ZNF385D: variants seen among roughly 807,000 people sequenced by gnomAD.
ZNF385D encodes the protein zinc finger protein 385D, also known as zinc finger protein 659.
A neutral mutation model predicts 35.8 loss-of-function variants in ZNF385D; 15 were observed. The observed-to-expected ratio is 0.42, with a 90% CI of 0.28 to 0.64. The LOEUF is 0.64. Ranked by LOEUF, ZNF385D falls within the 30% of genes least tolerant of loss-of-function variation. ZNF385D has a pLI of 0.23. For synonymous variants in ZNF385D, 212 were observed against 186.8 expected (o/e 1.13, Z -1.10); for missense variants, 474 against 494.6 (o/e 0.96, Z 0.39).
At chr3:21,831,206 T>C (rs1162575891) in intron 3 of ZNF385D, among the ~76,000 whole-genome samples, 1 of 152,174 alleles carries the variant, frequency 6.6e-6, no homozygotes, top group African/African-American at 2.4e-5. Context: ...GAACGTCCTT[T>C]TTCTTATATT....
chr3:21,958,582 C>G (rs1702410889), intron 3 of ZNF385D, among the ~76,000 whole-genome samples: 1 of 151,946 alleles, frequency 6.6e-6, no homozygotes, highest in African/African-American at 2.4e-5. Context: ...AAGATAAAAC[C>G]ATTGTTCCAA....
At chr3:21,905,513 C>G (rs560691804) in intron 3 of ZNF385D, among the ~76,000 whole-genome samples, 8 of 147,240 alleles carry the variant, frequency 5.4e-5, no homozygotes, top group Non-Finnish European at 1.0e-4. Context: ...TGGGTTTGAC[C>G]CAAGAAGCTA....
chr3:21,788,689 G>A (rs376344421), intron 3 of ZNF385D, among the ~76,000 whole-genome samples: 1 of 152,162 alleles, frequency 6.6e-6, no homozygotes, highest in Non-Finnish European at 1.5e-5. Flanking sequence ...GGGGGCATAT[G>A]TGCATTTTTA....
chr3:21,883,133 A>T (rs1197160708), intron 3 of ZNF385D, among the ~76,000 whole-genome samples: 1 of 152,074 alleles, frequency 6.6e-6, no homozygotes, highest in East Asian at 1.9e-4. Flanking sequence ...TTGTATGCAG[A>T]TAAGACTATT....
At chr3:22,166,096 A>T in intron 3 of ZNF385D, among the ~76,000 whole-genome samples, 1 of 126,976 alleles carries the variant, frequency 7.9e-6, no homozygotes, top group Non-Finnish European at 1.9e-5. Flanking sequence ...CATGTCCACC[A>T]TCCTCTGAAG....
intron 2 of ZNF385D, among the ~76,000 whole-genome samples, chr3:22,199,521 C>G (rs539094744): frequency 1.3e-5 from 2 of 152,134 alleles, no homozygotes; most frequent in South Asian, 4.1e-4. Context: ...ATTTGGCTTT[C>G]TGACTTCAAG....
intron 2 of ZNF385D, among the ~76,000 whole-genome samples, chr3:21,582,612 A>G (rs551856731): frequency 6.6e-6 from 1 of 151,696 alleles, no homozygotes; most frequent in Non-Finnish European, 1.5e-5. Flanking sequence ...GAGATAAAGG[A>G]AGGATAAAGT....
intron 1 of ZNF385D, among the ~76,000 whole-genome samples, chr3:21,740,968 T>A (rs1441315484): frequency 3.9e-5 from 6 of 152,186 alleles, no homozygotes; most frequent in African/African-American, 1.4e-4. Context: ...AGGTGATTCT[T>A]TTGTACAGCC....
intron 2 of ZNF385D, among the ~76,000 whole-genome samples, chr3:22,319,507 C>A (rs184068297): frequency 1.8e-4 from 28 of 152,064 alleles, no homozygotes; most frequent in Non-Finnish European, 1.3e-4. Context: ...TTGGCAAATG[C>A]CCGTATTGGA....
intron 2 of ZNF385D, among the ~76,000 whole-genome samples, chr3:22,249,603 T>G (rs567062297): frequency 6.6e-6 from 1 of 152,352 alleles, no homozygotes; most frequent in East Asian, 1.9e-4. Flanking sequence ...TCAGACAGGC[T>G]GATTCGTTAT....
intron 2 of ZNF385D, among the ~76,000 whole-genome samples, chr3:22,237,053 C>T (rs894789733): frequency 6.6e-6 from 1 of 152,166 alleles, no homozygotes; most frequent in Non-Finnish European, 1.5e-5. Flanking sequence ...CCTAGAACTG[C>T]TGAGTCATAT....
At chr3:21,713,599 G>T (rs1353507698) in intron 1 of ZNF385D, among the ~76,000 whole-genome samples, 1 of 152,030 alleles carries the variant, frequency 6.6e-6, no homozygotes, top group African/African-American at 2.4e-5. Context: ...CTCTCTTCTT[G>T]ATGGTTATAG....
At chr3:22,119,347 ATCT>A (rs575746655) in intron 3 of ZNF385D, among the ~76,000 whole-genome samples, 62 of 152,306 alleles carry the variant, frequency 4.1e-4, no homozygotes, top group African/African-American at 1.3e-3. Flanking sequence ...GTAAAATCAT[ATCT>A]TCTTGTCATA....
intron 2 of ZNF385D, among the ~76,000 whole-genome samples, chr3:22,186,389 A>G (rs1695632264): frequency 6.6e-6 from 1 of 152,200 alleles, no homozygotes; most frequent in African/African-American, 2.4e-5. Context: ...CACAGGAACA[A>G]GTCACAGAAG....
chr3:21,600,568 A>G (rs2125759799), intron 2 of ZNF385D, among the ~76,000 whole-genome samples: 1 of 152,352 alleles, frequency 6.6e-6, no homozygotes, highest in Non-Finnish European at 1.5e-5. Context: ...CTACTCATGC[A>G]GAACATCAAG....
chr3:22,071,436 G>C lies in ZNF385D; in HGVS notation c.325+97381C>G, dbSNP rs540346548. Reference sequence around the variant, plus strand: ...CCAGCTTCATACTAGAGGTCACTAGGTGATTGAAAAGAAATTGCTGACATT... The same window carrying C: ...CCAGCTTCATACTAGAGGTCACTAGCTGATTGAAAAGAAATTGCTGACATT... On this transcript the variant is annotated intron_variant, in intron 3 of 5. Transcript: ENST00000494108. Among the ~76,000 whole-genome samples the C allele has an allele frequency of 2.0e-5, 3 of 152,220 alleles. No homozygotes were observed. The South Asian group carries it at 6.2e-4, about 32-fold the overall frequency.
chr3:21,645,533 G>A (rs373785251), intron 2 of ZNF385D, among the ~76,000 whole-genome samples: 21 of 152,304 alleles, frequency 1.4e-4, no homozygotes, highest in Admixed American at 3.3e-4. Flanking sequence ...TCCAAATTGC[G>A]AGATTTAAAG....
chr3:21,930,759 T>C (rs1337468474), intron 3 of ZNF385D, among the ~76,000 whole-genome samples: 1 of 152,048 alleles, frequency 6.6e-6, no homozygotes, highest in Non-Finnish European at 1.5e-5. Context: ...GCTAATAAGA[T>C]GCCCATATGC....
At chr3:22,220,977 ATC>A (rs751630116) in intron 2 of ZNF385D, among the ~76,000 whole-genome samples, 45 of 152,184 alleles carry the variant, frequency 3.0e-4, no homozygotes, top group Non-Finnish European at 5.4e-4. Flanking sequence ...GGAGAAAGCA[ATC>A]TCTATAAACA....
Sources: allele counts gnomAD v4.1 joint callset (sites outside exome capture counted in the v4.1 genomes callset), GRCh38; gene constraint gnomAD v4.1.1; transcripts MANE v1.5; gene names NCBI Gene and HGNC (gene_info 2026-07-23, HGNC 2026-07-21).